The following CMIP variants were observed in gnomAD, a reference collection of about 807,000 sequenced individuals.
The protein encoded by CMIP is c-Maf inducing protein, also known as C-Maf-inducing protein.
CMIP carries 13 observed loss-of-function variants against 97.3 expected under a neutral mutation model. The ratio of observed to expected loss-of-function variants is 0.13; its 90% CI spans 0.09 to 0.21. The LOEUF is 0.21. Ranked by LOEUF, CMIP falls within the 10% of genes least tolerant of loss-of-function variation. The pLI, the probability that CMIP is intolerant of heterozygous loss-of-function variation, is 1.00. For missense variants in CMIP, 847 were observed against 1,024.9 expected (o/e 0.83, Z 2.37); for synonymous variants, 538 against 436.3 (o/e 1.23, Z -2.91).
intron 1 of CMIP, among the ~76,000 whole-genome samples, chr16:81,459,405 C>T: frequency 6.6e-6 from 1 of 152,160 alleles, no homozygotes; most frequent in Non-Finnish European, 1.5e-5. Context: ...TGACCTCGCT[C>T]CGTGACCTCA....
chr16:81,514,159 C>T (rs569172883), intron 1 of CMIP, among the ~76,000 whole-genome samples: 12 of 152,274 alleles, frequency 7.9e-5, no homozygotes, highest in African/African-American at 2.9e-4. Flanking sequence ...GACTAGAATC[C>T]GGTGACACTT....
At position 81,486,498 on chromosome 16, in the gene CMIP, G is replaced by T. The variant is rs149875679; in HGVS notation, c.300+40957G>T. On this transcript the variant is annotated intron_variant, in intron 1 of 20. Coordinates refer to ENST00000537098, the MANE Select transcript of CMIP (RefSeq NM_198390.3). ...AATTGCACTTCGGGTCCTCGCTGGA[G>T]TTCATTCAGGAGGGGTGCCCAGGGC... 3.3e-5 allele frequency among the ~76,000 whole-genome samples: 5 copies of T among 152,312 alleles called. No individual in the cohort carries two copies. In the East Asian group the frequency reaches 9.7e-4, roughly 29 times the overall value.
intron 1 of CMIP, among the ~76,000 whole-genome samples, chr16:81,448,387 CG>C (rs1293835514): frequency 2.5e-4 from 38 of 152,240 alleles, no homozygotes; most frequent in Non-Finnish European, 1.5e-5. Context: ...GATTTAAGAC[CG>C]TGCTTCCAGG....
At chr16:81,459,026 G>GTCACCA (rs369719054) in intron 1 of CMIP, among the ~76,000 whole-genome samples, 219 of 130,996 alleles carry the variant, frequency 1.7e-3, no homozygotes, top group African/African-American at 4.6e-3. Context: ...CACCATCACT[G>GTCACCA]TCACCATCAC....
intron 2 of CMIP, chr16:81,610,530 G>A: frequency 1.0e-6 from 1 of 985,562 alleles, no homozygotes; most frequent in Non-Finnish European, 1.2e-6. Context: ...CTTCCCCCAA[G>A]GGGAACCCAG....
At chr16:81,663,898 C>CTCCACCAGGATTCCTTT (rs1321553629) in intron 6 of CMIP, among the ~76,000 whole-genome samples, 2 of 152,148 alleles carry the variant, frequency 1.3e-5, no homozygotes, top group African/African-American at 4.8e-5. Context: ...GGCCCTGTCT[C>CTCCACCAGGATTCCTTT]TCCACCAGGA....
intron 3 of CMIP, among the ~76,000 whole-genome samples, chr16:81,633,690 G>C (rs1409664787): frequency 6.6e-6 from 1 of 152,216 alleles, no homozygotes; most frequent in Non-Finnish European, 1.5e-5. Flanking sequence ...AGAAACTGAG[G>C]CCACTCCTAA....
At chr16:81,599,390 T>A (rs945105701) in intron 1 of CMIP, among the ~76,000 whole-genome samples, 4 of 152,146 alleles carry the variant, frequency 2.6e-5, no homozygotes, top group Admixed American at 2.6e-4. Flanking sequence ...GTTTGTGAGA[T>A]TAAAAAGAAC....
At chr16:81,679,102 T>C (rs1217175102) in intron 10 of CMIP, among the ~76,000 whole-genome samples, 2 of 152,130 alleles carry the variant, frequency 1.3e-5, no homozygotes, top group African/African-American at 4.8e-5. Flanking sequence ...CTCTACTGTG[T>C]TGGGTGTGTG....
At chr16:81,600,286 A>G (rs1344598890) in intron 1 of CMIP, among the ~76,000 whole-genome samples, 3 of 151,726 alleles carry the variant, frequency 2.0e-5, no homozygotes, top group Non-Finnish European at 4.4e-5. Flanking sequence ...AAAAAAAAAA[A>G]AAAAAAAAAA....
chr16:81,517,246 G>A (rs2089934594), intron 1 of CMIP, among the ~76,000 whole-genome samples: 2 of 99,902 alleles, frequency 2.0e-5, no homozygotes, highest in South Asian at 5.6e-4. Context: ...AAGGTCGTCA[G>A]TGAAAAACCA....
intron 1 of CMIP, among the ~76,000 whole-genome samples, chr16:81,601,315 C>T (rs1407189279): frequency 1.3e-5 from 2 of 152,148 alleles, no homozygotes; most frequent in Non-Finnish European, 2.9e-5. Context: ...TGGAAACCAG[C>T]AGGCAGGTTT....
intron 1 of CMIP, among the ~76,000 whole-genome samples, chr16:81,492,535 G>T (rs1001871597): frequency 2.0e-5 from 3 of 152,190 alleles, no homozygotes; most frequent in Non-Finnish European, 1.5e-5. Context: ...GTGGCATCGC[G>T]GTGGCCGGGA....
chr16:81,450,380 C>G (rs956391397), intron 1 of CMIP, among the ~76,000 whole-genome samples: 3 of 152,154 alleles, frequency 2.0e-5, no homozygotes, highest in African/African-American at 7.2e-5. Flanking sequence ...GTGCAGTTTC[C>G]TGGCTGTGTG....
chr16:81,531,404 G>T (rs1311083190), intron 1 of CMIP, among the ~76,000 whole-genome samples: 1 of 152,210 alleles, frequency 6.6e-6, no homozygotes, highest in African/African-American at 2.4e-5. Flanking sequence ...CTTTAAGAAA[G>T]CACATTGCTG....
At chr16:81,667,718 G>C (rs1050590929) in intron 7 of CMIP, among the ~76,000 whole-genome samples, 2 of 146,686 alleles carry the variant, frequency 1.4e-5, no homozygotes, top group African/African-American at 5.0e-5. Flanking sequence ...ATACTTGTGA[G>C]GCAGAGGCCT....
chr16:81,470,922 T>C (rs1907488709), intron 1 of CMIP, among the ~76,000 whole-genome samples: 1 of 152,256 alleles, frequency 6.6e-6, no homozygotes, highest in African/African-American at 2.4e-5. Context: ...GGGAGTGTTA[T>C]GATTGGTGTA....
intron 1 of CMIP, among the ~76,000 whole-genome samples, chr16:81,446,157 C>A (rs914645054): frequency 5.3e-5 from 8 of 151,922 alleles, no homozygotes; most frequent in Admixed American, 5.2e-4. Flanking sequence ...GGGGAGGGGG[C>A]AGTGGTCCTG....
intron 1 of CMIP, among the ~76,000 whole-genome samples, chr16:81,468,356 C>T (rs1907330120): frequency 6.6e-6 from 1 of 152,262 alleles, no homozygotes; most frequent in Admixed American, 6.5e-5. Flanking sequence ...CAGAGAGAGG[C>T]CGGGGCTGGA....
Sources: allele counts gnomAD v4.1 joint callset (sites outside exome capture counted in the v4.1 genomes callset), GRCh38; gene constraint gnomAD v4.1.1; transcripts MANE v1.5; gene names NCBI Gene and HGNC (gene_info 2026-07-23, HGNC 2026-07-21).